L3MBTL4: variants seen among roughly 807,000 people sequenced by gnomAD.
L3MBTL4 encodes L3MBTL histone methyl-lysine binding protein 4.
A neutral mutation model predicts 84.5 loss-of-function variants in L3MBTL4; 70 were observed. The ratio of observed to expected loss-of-function variants is 0.83; its 90% CI spans 0.68 to 1.01. L3MBTL4 has a LOEUF of 1.01. Ranked by LOEUF, L3MBTL4 falls within the 50% of genes least tolerant of loss-of-function variation. The probability of loss-of-function intolerance (pLI) is 0.00; values close to 1 mark genes in which losing one functional copy is unlikely to be tolerated. For missense variants in L3MBTL4, 715 were observed against 754.8 expected (o/e 0.95, Z 0.62); for synonymous variants, 274 against 259.8 (o/e 1.05, Z -0.52).
At chr18:6,226,659 G>A (rs1423926249) in intron 10 of L3MBTL4, among the ~76,000 whole-genome samples, 1 of 152,110 alleles carries the variant, frequency 6.6e-6, no homozygotes, top group Non-Finnish European at 1.5e-5. Flanking sequence ...TTCTCACACT[G>A]TGGGAAAAGT....
intron 12 of L3MBTL4, among the ~76,000 whole-genome samples, chr18:6,180,633 C>T (rs1279505384): frequency 2.0e-5 from 3 of 152,096 alleles, no homozygotes; most frequent in Non-Finnish European, 4.4e-5. Context: ...TATTCTAAAC[C>T]TATTTTTATT....
intron 16 of L3MBTL4, among the ~76,000 whole-genome samples, chr18:6,038,089 T>C (rs1211035721): frequency 6.6e-6 from 1 of 152,142 alleles, no homozygotes; most frequent in Non-Finnish European, 1.5e-5. Context: ...TGTAATGTTC[T>C]AGTTCAATGA....
intron 4 of L3MBTL4, among the ~76,000 whole-genome samples, chr18:6,292,802 A>G (rs969031382): frequency 1.3e-5 from 2 of 152,126 alleles, no homozygotes; most frequent in African/African-American, 4.8e-5. Context: ...AATCTCTGAA[A>G]GCCTGGCTGC....
intron 3 of L3MBTL4, among the ~76,000 whole-genome samples, chr18:6,303,839 C>T (rs907281124): frequency 6.6e-6 from 1 of 151,970 alleles, no homozygotes; most frequent in African/African-American, 2.4e-5. Context: ...ATACTGAAAC[C>T]CTGTCTCTAC....
At chr18:6,396,487 A>G (rs1203529269) in intron 1 of L3MBTL4, 11 of 152,220 alleles carry the variant, frequency 7.2e-5, no homozygotes, top group Admixed American at 3.3e-4. Flanking sequence ...GAATAGTCCA[A>G]ATTGTTCTCT....
chr18:6,193,720 G>C (rs998940779), intron 12 of L3MBTL4, among the ~76,000 whole-genome samples: 2 of 152,224 alleles, frequency 1.3e-5, no homozygotes, highest in Non-Finnish European at 2.9e-5. Flanking sequence ...TGATGGGTCA[G>C]TGGGGAGTGA....
chr18:6,344,824 T>TTA (rs1555737107), intron 1 of L3MBTL4, among the ~76,000 whole-genome samples: 1 of 150,602 alleles, frequency 6.6e-6, no homozygotes, highest in Non-Finnish European at 1.5e-5. Context: ...TTTTCATGAT[T>TTA]AAAAAAAAAC....
chr18:6,273,617 G>A (rs1054616507), intron 4 of L3MBTL4, among the ~76,000 whole-genome samples: 1 of 152,226 alleles, frequency 6.6e-6, no homozygotes, highest in African/African-American at 2.4e-5. Context: ...TTACATTTGC[G>A]GACAGCTGGG....
In L3MBTL4 at chr18:6,408,953, C is replaced by G. The variant is rs188308151; in HGVS notation, c.-91+5848G>C. On this transcript the variant is annotated intron_variant, in intron 1 of 18. Coordinates refer to ENST00000317931, the MANE Select transcript of L3MBTL4 (RefSeq NM_001330559.2). ...CGGCCTCCCAAAGTTCTGGGGTTAC[C>G]GGGGTGAGCCACTGTGCCCAGCCTT... Among the ~76,000 whole-genome samples, 982 of 152,172 alleles carry G rather than the reference C, an allele frequency of 6.5e-3. 15 individuals carry two copies. Among genetic ancestry groups the G allele is most frequent in the African/African-American group, 0.021 (889 of 41,518 alleles).
chr18:5,990,769 G>GT (rs879667281), intron 16 of L3MBTL4, among the ~76,000 whole-genome samples: 8,683 of 127,334 alleles, frequency 0.068, 653 homozygotes, highest in African/African-American at 0.22. Context: ...GGGTTCATGT[G>GT]GGTGTGTGTG....
chr18:6,287,990 C>T (rs1004582672), intron 4 of L3MBTL4, among the ~76,000 whole-genome samples: 1 of 152,172 alleles, frequency 6.6e-6, no homozygotes, highest in African/African-American at 2.4e-5. Flanking sequence ...CTACAGTGAG[C>T]TGTAGTCACA....
At chr18:6,006,142 C>G (rs1041493708) in intron 16 of L3MBTL4, among the ~76,000 whole-genome samples, 1 of 152,188 alleles carries the variant, frequency 6.6e-6, no homozygotes, top group Non-Finnish European at 1.5e-5. Flanking sequence ...CATGCACAAA[C>G]TCAAGAAATA....
chr18:6,035,062 G>A (rs1195862575), intron 16 of L3MBTL4, among the ~76,000 whole-genome samples: 7 of 151,716 alleles, frequency 4.6e-5, no homozygotes, highest in African/African-American at 1.2e-4. Flanking sequence ...TTTGTCAGAT[G>A]AGTAGGTTGC....
intron 16 of L3MBTL4, among the ~76,000 whole-genome samples, chr18:6,074,760 T>C (rs916689712): frequency 3.3e-5 from 5 of 152,154 alleles, no homozygotes; most frequent in African/African-American, 1.2e-4. Context: ...TGCTGGTACA[T>C]AGATGTTTGT....
chr18:6,081,635 G>GTA (rs2058080719), intron 15 of L3MBTL4, among the ~76,000 whole-genome samples: 3 of 152,056 alleles, frequency 2.0e-5, no homozygotes, highest in African/African-American at 7.2e-5. Flanking sequence ...CTTTGCACAT[G>GTA]TATTTTCTTA....
chr18:6,113,240 A>G (rs1233799586), intron 14 of L3MBTL4, among the ~76,000 whole-genome samples: 1 of 152,168 alleles, frequency 6.6e-6, no homozygotes, highest in East Asian at 1.9e-4. Context: ...ATTAGTCTTC[A>G]TGTTTTGTAG....
intron 16 of L3MBTL4, among the ~76,000 whole-genome samples, chr18:6,059,941 G>A (rs1275552037): frequency 6.6e-6 from 1 of 152,152 alleles, no homozygotes; most frequent in African/African-American, 2.4e-5. Flanking sequence ...ATGAGAAACT[G>A]ACTACATTCT....
rs549488027 is a variant in L3MBTL4, at chr18:5,990,784, T to TGG, written c.1445-21223_1445-21222insCC. On this transcript the variant is annotated intron_variant, in intron 16 of 18. Transcript: ENST00000317931. ...GGGTTCATGTGGGTGTGTGTGTGTG[T>TGG]GTGTGTGTGTGTGTGTGTGTGATGG... 5.9e-5 allele frequency among the ~76,000 whole-genome samples: 9 copies of TGG among 151,950 alleles called. No individual in the cohort carries two copies. The East Asian group carries it at 1.4e-3, about 23-fold the overall frequency.
chr18:6,173,982 T>C (rs907513850), intron 12 of L3MBTL4, among the ~76,000 whole-genome samples: 19 of 152,002 alleles, frequency 1.2e-4, no homozygotes, highest in Admixed American at 6.6e-4. Context: ...AATTAACACT[T>C]TGACAATTTG....
Sources: allele counts gnomAD v4.1 joint callset (sites outside exome capture counted in the v4.1 genomes callset), GRCh38; gene constraint gnomAD v4.1.1; transcripts MANE v1.5; gene names NCBI Gene and HGNC (gene_info 2026-07-23, HGNC 2026-07-21).